Variants in BICD1 observed in about 807,000 individuals in gnomAD.
BICD1 encodes the protein BICD cargo adaptor 1.
BICD1 carries 35 observed loss-of-function variants against 92.5 expected under a neutral mutation model. The observed-to-expected ratio is 0.38, with a 90% CI of 0.29 to 0.50. BICD1 has a LOEUF of 0.50. Among genes scored for constraint, BICD1 ranks in the 20% least tolerant of loss-of-function variants. BICD1 has a pLI of 0.93. For missense variants in BICD1, 950 were observed against 1,189.8 expected (o/e 0.80, Z 2.97); for synonymous variants, 429 against 465.1 (o/e 0.92, Z 1.00).
intron 1 of BICD1, among the ~76,000 whole-genome samples, chr12:32,187,904 G>A (rs1158095209): frequency 6.6e-6 from 1 of 151,672 alleles, no homozygotes; most frequent in Non-Finnish European, 1.5e-5. Context: ...TTGAGACGGA[G>A]TCTCGCTCTG....
intron 2 of BICD1, among the ~76,000 whole-genome samples, chr12:32,230,021 G>T (rs1945826666): frequency 6.6e-6 from 1 of 150,556 alleles, no homozygotes; most frequent in African/African-American, 2.4e-5. Flanking sequence ...ATATGTGGAT[G>T]TGGATGCCAG....
At chr12:32,245,283 G>A (rs1946348717) in intron 2 of BICD1, among the ~76,000 whole-genome samples, 1 of 143,148 alleles carries the variant, frequency 7.0e-6, no homozygotes, top group Non-Finnish European at 1.5e-5. Context: ...GTCTCGCTCT[G>A]TCCCCCAGGC....
chr12:32,118,091 A>ATTTTATTTTATTTTATTTTATTTTATTTT (rs1555126592), intron 1 of BICD1, among the ~76,000 whole-genome samples: 1 of 46,832 alleles, frequency 2.1e-5, no homozygotes, highest in Non-Finnish European at 4.8e-5. Context: ...TATTTTATTT[A>ATTTTATTTTATTTTATTTTATTTTATTTT]TTTTTTTTGA....
chr12:32,107,695 C>G (rs1248516317), intron 1 of BICD1, 151 bp downstream of exon 1: 3 of 892,272 alleles, frequency 3.4e-6, no homozygotes, highest in Non-Finnish European at 5.4e-6. Context: ...TTGAAAGAGT[C>G]CATTGTTTCC....
intron 8 of BICD1, among the ~76,000 whole-genome samples, chr12:32,358,514 G>A (rs1054962124): frequency 1.4e-4 from 22 of 151,986 alleles, no homozygotes; most frequent in Admixed American, 1.2e-3. Context: ...TGAGGCAGGC[G>A]GATCACGAGG....
At chr12:32,274,716 C>A (rs78429038) in intron 2 of BICD1, among the ~76,000 whole-genome samples, 1 of 152,120 alleles carries the variant, frequency 6.6e-6, no homozygotes, top group Non-Finnish European at 1.5e-5. Context: ...CCCATTCCAA[C>A]AACAAATCAC....
At chr12:32,134,412 G>A (rs1942658408) in intron 1 of BICD1, among the ~76,000 whole-genome samples, 1 of 152,164 alleles carries the variant, frequency 6.6e-6, no homozygotes, top group Admixed American at 6.5e-5. Flanking sequence ...TTGCTCCTGG[G>A]ATATTGTGTT....
intron 2 of BICD1, among the ~76,000 whole-genome samples, chr12:32,246,029 CAAAAA>C (rs71068311): frequency 1.4e-4 from 6 of 44,090 alleles, no homozygotes; most frequent in Admixed American, 4.0e-4. Flanking sequence ...TACTCTGTCT[CAAAAA>C]AAAAAAAAAA....
At chr12:32,343,383 A>G (rs918848099) in intron 8 of BICD1, among the ~76,000 whole-genome samples, 1 of 151,628 alleles carries the variant, frequency 6.6e-6, no homozygotes, top group Non-Finnish European at 1.5e-5. Flanking sequence ...TCATCATCTT[A>G]CCATTTAATC....
At chr12:32,358,524 G>A (rs916422428) in intron 8 of BICD1, among the ~76,000 whole-genome samples, 1 of 151,936 alleles carries the variant, frequency 6.6e-6, no homozygotes, top group Admixed American at 6.6e-5. Context: ...GGATCACGAG[G>A]TCAAGAGATG....
At chr12:32,212,932 A>C (rs1000184387) in intron 1 of BICD1, among the ~76,000 whole-genome samples, 7 of 152,168 alleles carry the variant, frequency 4.6e-5, no homozygotes, top group African/African-American at 1.4e-4. Flanking sequence ...GAAATAACAA[A>C]ACTTTCTGAT....
chr12:32,184,385 C>T (rs1481337304), intron 1 of BICD1, among the ~76,000 whole-genome samples: 1 of 152,150 alleles, frequency 6.6e-6, no homozygotes, highest in Non-Finnish European at 1.5e-5. Flanking sequence ...CTCTCGGGTT[C>T]AAGCGATTCT....
chr12:32,291,974 T>C (rs148363432), intron 2 of BICD1, among the ~76,000 whole-genome samples: 1 of 152,346 alleles, frequency 6.6e-6, no homozygotes, highest in African/African-American at 2.4e-5. Context: ...CTTGCAGATG[T>C]CACCCTACCC....
chr12:32,192,455 T>TAAATAAATAAAC (rs2121531330), intron 1 of BICD1, among the ~76,000 whole-genome samples: 1 of 107,112 alleles, frequency 9.3e-6, no homozygotes, highest in African/African-American at 3.7e-5. Context: ...AATAAATAAA[T>TAAATAAATAAAC]AGATAGATAG....
chr12:32,152,116 C>T (rs985217808), intron 1 of BICD1, among the ~76,000 whole-genome samples: 8 of 152,106 alleles, frequency 5.3e-5, no homozygotes, highest in African/African-American at 1.9e-4. Flanking sequence ...GCTACCATGC[C>T]TGGCCAATTT....
In BICD1 at chr12:32,107,024, A is replaced by T; in HGVS notation, c.-308A>T. ...GCCCCTCGCTACCCGCGGCCGCCGCAGCCCGGGCCATGCCGCACGGCTGCT... is the reference window on the plus strand; with the variant it reads ...GCCCCTCGCTACCCGCGGCCGCCGCTGCCCGGGCCATGCCGCACGGCTGCT... On this transcript the variant is annotated 5_prime_UTR_variant, in exon 1 of 10. Transcript: ENST00000652176. 1 of 319,434 alleles carries T rather than the reference A, an allele frequency of 3.1e-6. No individual in the cohort carries two copies. Among genetic ancestry groups the T allele is most frequent in the Non-Finnish European group, 5.8e-6 (1 of 172,984 alleles). 19.8% of individuals were successfully genotyped at this position (319,434 alleles called of 1,614,324 possible).
intron 2 of BICD1, among the ~76,000 whole-genome samples, chr12:32,258,486 A>G (rs1283441615): frequency 2.0e-5 from 3 of 152,126 alleles, no homozygotes; most frequent in African/African-American, 7.2e-5. Context: ...TAAGAAATAA[A>G]GACACAAGAC....
At chr12:32,152,356 C>T (rs533881634) in intron 1 of BICD1, among the ~76,000 whole-genome samples, 3 of 151,996 alleles carry the variant, frequency 2.0e-5, no homozygotes, top group Admixed American at 1.3e-4. Flanking sequence ...TCAAGTGATC[C>T]TCCCGTCTTA....
At chr12:32,300,947 G>A (rs1324179554) in intron 3 of BICD1, among the ~76,000 whole-genome samples, 3 of 151,872 alleles carry the variant, frequency 2.0e-5, no homozygotes, top group Admixed American at 6.6e-5. Flanking sequence ...CACTGCGCCC[G>A]GCCCAACTTT....
Sources: allele counts gnomAD v4.1 joint callset (sites outside exome capture counted in the v4.1 genomes callset), GRCh38; gene constraint gnomAD v4.1.1; transcripts MANE v1.5; gene names NCBI Gene and HGNC (gene_info 2026-07-23, HGNC 2026-07-21).